Variants in APLF observed in about 807,000 individuals in gnomAD.
APLF encodes aprataxin and PNK-like factor.
A neutral mutation model predicts 55.6 loss-of-function variants in APLF; 61 were observed. The ratio of observed to expected loss-of-function variants is 1.10; its 90% confidence interval spans 0.89 to 1.36. APLF has a LOEUF of 1.36. Among genes scored for constraint, APLF ranks in the 40% most tolerant of loss-of-function variants. The pLI, the probability that APLF is intolerant of heterozygous loss-of-function variation, is 0.00. For synonymous variants in APLF, 207 were observed against 214.8 expected (o/e 0.96, Z 0.32); for missense variants, 611 against 602.5 (o/e 1.01, Z -0.15).
At chr2:68,490,167 CTT>C (rs780268511) in intron 1 of APLF, 21 bp from the exon 2 acceptor site, 14 of 1,549,666 alleles carry the variant, frequency 9.0e-6, no homozygotes, top group Non-Finnish European at 1.2e-5. Context: ...TATTCTTAAT[CTT>C]TTAATTTTTT....
chr2:68,524,559 T>C (rs1480197763), intron 5 of APLF, among the ~76,000 whole-genome samples: 4 of 152,246 alleles, frequency 2.6e-5, no homozygotes, highest in African/African-American at 9.6e-5. Flanking sequence ...AGACACTGTA[T>C]GGCCCACAGA....
In APLF at chr2:68,578,086, A is replaced by C. The variant is rs775937847; in HGVS notation, c.*64A>C. 1.9e-5 allele frequency: 30 copies of C among 1,539,648 alleles called. No individual in the cohort carries two copies. The highest frequency in any genetic ancestry group is 2.4e-5 in the Non-Finnish European group (28 of 1,145,470). The stretch of plus-strand genomic sequence containing the variant: ...TTTTCTTTGTGGGAAAACATTTATG[A>C]ACTAAGGAGGTACTTAAGTGACAGT... On this transcript the variant is annotated 3_prime_UTR_variant, in exon 10 of 10. Coordinates refer to ENST00000303795, the MANE Select transcript of APLF (RefSeq NM_173545.3).
intron 1 of APLF, among the ~76,000 whole-genome samples, chr2:68,484,802 G>T (rs1676075569): frequency 6.6e-6 from 1 of 151,664 alleles, no homozygotes; most frequent in East Asian, 1.9e-4. Flanking sequence ...TTTGAGACCA[G>T]CCTGGCCAAA....
At position 68,578,129 on chromosome 2, in the gene APLF, T is replaced by C; in HGVS notation, c.*107T>C. On this transcript the variant is annotated 3_prime_UTR_variant, in exon 10 of 10. Transcript: ENST00000303795. ...GTGACAGTTATTTTCCTTCTTTTGATAGTTAATGACTTTTACTACTGACTC... is the reference window on the plus strand; with the variant it reads ...GTGACAGTTATTTTCCTTCTTTTGACAGTTAATGACTTTTACTACTGACTC... 6.9e-7 allele frequency: 1 copy of C among 1,457,530 alleles called. No individual in the cohort carries two copies. The highest frequency in any genetic ancestry group is 9.0e-7 in the Non-Finnish European group (1 of 1,109,694). 90.3% of individuals were successfully genotyped at this position (1,457,530 alleles called of 1,614,324 possible).
intron 8 of APLF, among the ~76,000 whole-genome samples, chr2:68,560,935 G>A (rs753477614): frequency 3.3e-5 from 5 of 151,992 alleles, no homozygotes; most frequent in Non-Finnish European, 7.4e-5. Context: ...ATTTTGCCTT[G>A]TTATGAAATA....
intron 8 of APLF, among the ~76,000 whole-genome samples, chr2:68,564,534 G>A (rs974010376): frequency 2.6e-5 from 4 of 152,020 alleles, no homozygotes; most frequent in African/African-American, 9.7e-5. Flanking sequence ...TAATAATGAA[G>A]GGATCAAAGG....
chr2:68,542,329 T>C (rs1405298870), intron 7 of APLF, among the ~76,000 whole-genome samples: 1 of 149,824 alleles, frequency 6.7e-6, no homozygotes, highest in East Asian at 1.9e-4. Flanking sequence ...AAAACTTCTG[T>C]ACATGAAAGA....
chr2:68,567,328 A>C lies in APLF; in HGVS notation c.1287-13A>C, dbSNP rs911215834. 18 of 1,603,206 alleles carry C rather than the reference A, an allele frequency of 1.1e-5. No homozygotes were observed. Among genetic ancestry groups the C allele is most frequent in the Non-Finnish European group, 1.4e-5 (17 of 1,174,218 alleles). On this transcript the variant is annotated splice_polypyrimidine_tract_variant and intron_variant, in intron 8 of 9. Transcript: ENST00000303795. ...TTGGAAGACTAGCTCTTATTTTTGCATTCTTCTTTCAGGAAGAATCCCCAG... is the reference window on the plus strand; with the variant it reads ...TTGGAAGACTAGCTCTTATTTTTGCCTTCTTCTTTCAGGAAGAATCCCCAG...
At chr2:68,553,124 T>C (rs2104032935) in intron 8 of APLF, among the ~76,000 whole-genome samples, 1 of 152,252 alleles carries the variant, frequency 6.6e-6, no homozygotes, top group East Asian at 1.9e-4. Flanking sequence ...ATTGCCTGAC[T>C]CCACGACTGT....
At chr2:68,546,535 A>C (rs2104020246) in intron 8 of APLF, among the ~76,000 whole-genome samples, 1 of 152,082 alleles carries the variant, frequency 6.6e-6, no homozygotes, top group South Asian at 2.1e-4. Flanking sequence ...AAGTTATGAG[A>C]ATCAAGTGAT....
At chr2:68,473,499 A>C (rs1006536478) in intron 1 of APLF, among the ~76,000 whole-genome samples, 1 of 152,168 alleles carries the variant, frequency 6.6e-6, no homozygotes, top group African/African-American at 2.4e-5. Flanking sequence ...TAGGTCTTCA[A>C]CTCATTTAGG....
At chr2:68,576,356 A>G (rs951052622) in intron 9 of APLF, among the ~76,000 whole-genome samples, 1 of 152,190 alleles carries the variant, frequency 6.6e-6, no homozygotes, top group Admixed American at 6.6e-5. Flanking sequence ...GACATAAAAC[A>G]TGCCCTCAAG....
chr2:68,500,913 TGA>T (rs1455493085), intron 2 of APLF, among the ~76,000 whole-genome samples: 1 of 152,182 alleles, frequency 6.6e-6, no homozygotes, highest in Non-Finnish European at 1.5e-5. Context: ...AGGACAGCTT[TGA>T]GAGAGAGAAA....
rs1417094137 is a variant in APLF, at chr2:68,529,779, G to C, written c.804+3537G>C. ...GTGGGGCTGTTGGGGGTGTGGGGCT[G>C]ATCCGCCAGAGCCCTTCTGCCTGGC... On this transcript the variant is annotated intron_variant, in intron 6 of 9. Transcript: ENST00000303795. The surrounding 1 kb of genome is among the most constrained non-coding windows in gnomAD (Gnocchi z 4.4). 1 of 153,180 alleles carries C rather than the reference G, an allele frequency of 6.5e-6. No homozygotes were observed. Among genetic ancestry groups the C allele is most frequent in the Non-Finnish European group, 1.5e-5 (1 of 68,830 alleles). 9.5% of individuals were successfully genotyped at this position (153,180 alleles called of 1,614,324 possible). A position where few individuals can be genotyped will look rare whatever the true frequency, so the allele number is the denominator to read the frequency against.
Position 68,578,895 on chromosome 2 carries a change from A to G in APLF, c.*873A>G. ...TTCAAGATTCTGGCCTCCCATATCA[A>G]GAAGAAACCACTTATTCTCCAGTTT... On this transcript the variant is annotated 3_prime_UTR_variant, in exon 10 of 10. Coordinates refer to ENST00000303795, the MANE Select transcript of APLF (RefSeq NM_173545.3). 1.0e-6 allele frequency: 1 copy of G among 985,362 alleles called. No individual in the cohort carries two copies. Among genetic ancestry groups the G allele is most frequent in the Non-Finnish European group, 1.2e-6 (1 of 829,882 alleles). 61.0% of individuals were successfully genotyped at this position (985,362 alleles called of 1,614,324 possible).
chr2:68,574,282 A>G (rs1671562612), intron 9 of APLF, among the ~76,000 whole-genome samples: 1 of 152,162 alleles, frequency 6.6e-6, no homozygotes, highest in African/African-American at 2.4e-5. Flanking sequence ...GCAATTTTTT[A>G]AAAAGGAAAG....
intron 5 of APLF, among the ~76,000 whole-genome samples, chr2:68,514,565 C>T (rs1182631970): frequency 6.6e-6 from 1 of 151,800 alleles, no homozygotes; most frequent in African/African-American, 2.4e-5. Flanking sequence ...CCTTGGGCCC[C>T]ATACAAATGT....
chr2:68,553,785 A>G (rs1240123797), intron 8 of APLF, among the ~76,000 whole-genome samples: 1 of 151,996 alleles, frequency 6.6e-6, no homozygotes, highest in Non-Finnish European at 1.5e-5. Flanking sequence ...GAGCTACAAC[A>G]TGTTTACTTG....
At chr2:68,528,934 G>A (rs1670162999) in intron 6 of APLF, 3 of 1,521,386 alleles carry the variant, frequency 2.0e-6, no homozygotes, top group South Asian at 2.4e-5. Context: ...TGCTACAGGG[G>A]CCCCTTTTAT....
Sources: gnomAD v4.1 joint callset for allele counts (sites outside exome capture counted in the v4.1 genomes callset) on GRCh38, gnomAD v4.1.1 for gene constraint, Gnocchi (gnomAD v3.1) non-coding constraint, MANE v1.5 for transcripts, NCBI Gene and HGNC (gene_info 2026-07-23, HGNC 2026-07-21) for gene names.